DYTN: variants seen among roughly 807,000 people sequenced by gnomAD.
DYTN encodes dystrotelin.
DYTN carries 75 observed loss-of-function variants against 69.6 expected under a neutral mutation model. The ratio of observed to expected loss-of-function variants is 1.08; its 90% CI spans 0.89 to 1.31. The LOEUF is 1.31. DYTN is among the 50% of genes most tolerant of loss of function. DYTN has a pLI of 0.00. For missense variants in DYTN, 726 were observed against 688.4 expected (o/e 1.05, Z -0.61); for synonymous variants, 252 against 249.1 (o/e 1.01, Z -0.11).
rs577592368 is a variant in DYTN, at chr2:206,695,221, G to A, written c.720-344C>T. 1.5e-4 allele frequency among the ~76,000 whole-genome samples: 23 copies of A among 152,216 alleles called. No individual in the cohort carries two copies. The South Asian group carries it at 1.9e-3, about 12-fold the overall frequency. ...GATAAACCCTTAAATCTGCAGCTGC[G>A]TTTTGTGCAGCTGCACAATGCACTC... is the stretch of plus-strand genomic sequence containing the variant. On this transcript the variant is annotated intron_variant, in intron 7 of 11. Transcript: ENST00000452335.
At position 206,666,048 on chromosome 2, in the gene DYTN, T is replaced by C; in HGVS notation, c.981-19A>G. On this transcript the variant is annotated intron_variant, in intron 9 of 11. Coordinates refer to ENST00000452335, the MANE Select transcript of DYTN (RefSeq NM_001093730.1). Reference sequence around the variant, plus strand: ...AAGGAGCCTGAAAAGAGAACAGATTTGAGCGGTTTGGAAGGGCAAGAGGCC... The same window carrying C: ...AAGGAGCCTGAAAAGAGAACAGATTCGAGCGGTTTGGAAGGGCAAGAGGCC... The C allele has an allele frequency of 1.2e-6, 2 of 1,611,472 alleles. No homozygotes were observed. Among genetic ancestry groups the C allele is most frequent in the Non-Finnish European group, 1.7e-6 (2 of 1,178,742 alleles).
intron 3 of DYTN, among the ~76,000 whole-genome samples, chr2:206,706,190 G>A (rs1387040740): frequency 2.0e-5 from 3 of 152,042 alleles, no homozygotes; most frequent in East Asian, 1.9e-4. Context: ...TCACTTCCTC[G>A]GGCCTCAGTT....
chr2:206,694,926 A>AG, intron 7 of DYTN, 49 bp from the exon 8 acceptor site: 1 of 1,282,184 alleles, frequency 7.8e-7, no homozygotes, highest in Admixed American at 2.6e-5. Flanking sequence ...AGATGAGAAA[A>AG]AAAAAAAAAA....
intron 9 of DYTN, among the ~76,000 whole-genome samples, chr2:206,688,731 T>C (rs1318201055): frequency 6.6e-6 from 1 of 152,242 alleles, no homozygotes. Flanking sequence ...TATGCTAGTC[T>C]TCTCATTTAG....
At chr2:206,667,924 G>A (rs1359424239) in intron 9 of DYTN, among the ~76,000 whole-genome samples, 2 of 152,120 alleles carry the variant, frequency 1.3e-5, no homozygotes. Flanking sequence ...ATTGCATAGA[G>A]CTTGGGGAGG....
chr2:206,661,791 CA>C (rs1457250967), intron 11 of DYTN, among the ~76,000 whole-genome samples: 4 of 152,142 alleles, frequency 2.6e-5, no homozygotes, highest in African/African-American at 9.7e-5. Context: ...AGTAAAGTTA[CA>C]TGCGAATTTT....
At chr2:206,666,078 C>T (rs1246142905) in intron 9 of DYTN, 49 bp from the exon 10 acceptor site, 8 of 1,592,714 alleles carry the variant, frequency 5.0e-6, no homozygotes, top group East Asian at 2.2e-5. Context: ...GAGGCCAGTA[C>T]ACTAATTAGA....
chr2:206,708,238 A>G (rs1158959023), intron 2 of DYTN, among the ~76,000 whole-genome samples: 2 of 152,338 alleles, frequency 1.3e-5, no homozygotes, highest in East Asian at 3.9e-4. Context: ...AGAAACAAGA[A>G]TGTAATAGAG....
intron 3 of DYTN, 98 bp downstream of exon 3, chr2:206,707,204 C>G (rs1476405703): frequency 4.7e-5 from 67 of 1,436,176 alleles, no homozygotes; most frequent in Non-Finnish European, 2.9e-5. Flanking sequence ...TTCTTATATA[C>G]CAAACCTCAA....
chr2:206,704,238 T>C (rs1265034329), intron 5 of DYTN, among the ~76,000 whole-genome samples: 1 of 152,166 alleles, frequency 6.6e-6, no homozygotes, highest in South Asian at 2.1e-4. Flanking sequence ...AACAAAGTTA[T>C]GCATAGGAAG....
intron 9 of DYTN, among the ~76,000 whole-genome samples, chr2:206,682,605 G>A (rs1330098611): frequency 6.6e-6 from 1 of 151,972 alleles, no homozygotes; most frequent in Non-Finnish European, 1.5e-5. Flanking sequence ...TCTCTTTGAT[G>A]ATCTCATATA....
chr2:206,670,802 C>T (rs1215387175), intron 9 of DYTN, among the ~76,000 whole-genome samples: 1 of 152,128 alleles, frequency 6.6e-6, no homozygotes, highest in Non-Finnish European at 1.5e-5. Context: ...AATAACGTCA[C>T]AATAGTCTTT....
intron 11 of DYTN, among the ~76,000 whole-genome samples, chr2:206,652,404 C>T (rs1260320983): frequency 6.6e-6 from 1 of 152,024 alleles, no homozygotes; most frequent in African/African-American, 2.4e-5. Flanking sequence ...TTTGAGTGTC[C>T]CCTATGATCT....
intron 7 of DYTN, among the ~76,000 whole-genome samples, chr2:206,698,228 G>A (rs1699941279): frequency 6.6e-6 from 1 of 151,996 alleles, no homozygotes; most frequent in Non-Finnish European, 1.5e-5. Context: ...ATGTTTTATT[G>A]TTTAAAGTTC....
chr2:206,700,988 C>T (rs1046934095), intron 5 of DYTN: 3 of 152,286 alleles, frequency 2.0e-5, no homozygotes, highest in African/African-American at 4.8e-5. Flanking sequence ...ATATGTGCCA[C>T]ATTTTCTTTA....
At chr2:206,685,269 C>G (rs1240555479) in intron 9 of DYTN, among the ~76,000 whole-genome samples, 3 of 152,044 alleles carry the variant, frequency 2.0e-5, no homozygotes, top group Admixed American at 6.6e-5. Context: ...TCAAGCGATC[C>G]TCCCATCTCA....
rs77898775 is a variant in DYTN at position 206,703,246 on chromosome 2, G to C, written c.483+1597C>G. The stretch of plus-strand genomic sequence containing the variant: ...TTCTCTAGAAGGAAAATGTCCCTCA[G>C]CTCATCCCCTTTCATCACATCCGCT... On this transcript the variant is annotated intron_variant, in intron 5 of 11. Transcript: ENST00000452335. 2.0e-3 allele frequency among the ~76,000 whole-genome samples: 305 copies of C among 152,244 alleles called. 1 individual carries two copies. Among genetic ancestry groups the C allele is most frequent in the African/African-American group, 6.9e-3 (287 of 41,548 alleles).
intron 9 of DYTN, among the ~76,000 whole-genome samples, chr2:206,676,757 A>G (rs566932934): frequency 1.3e-5 from 2 of 152,298 alleles, no homozygotes; most frequent in Admixed American, 1.3e-4. Context: ...AAATTTGCTC[A>G]GAGATTAGAT....
intron 9 of DYTN, among the ~76,000 whole-genome samples, chr2:206,684,392 C>A (rs752644056): frequency 9.9e-5 from 15 of 152,126 alleles, no homozygotes; most frequent in African/African-American, 1.7e-4. Context: ...GCAGCATTGA[C>A]CCCCTGGACT....
Sources: gnomAD v4.1 joint callset for allele counts (sites outside exome capture counted in the v4.1 genomes callset) on GRCh38, gnomAD v4.1.1 for gene constraint, MANE v1.5 for transcripts, NCBI Gene and HGNC (gene_info 2026-07-23, HGNC 2026-07-21) for gene names.